SDK1: variants seen among roughly 807,000 people sequenced by gnomAD.
SDK1 encodes sidekick cell adhesion molecule 1, also known as protein sidekick-1.
A neutral mutation model predicts 245.5 loss-of-function variants in SDK1; 157 were observed. That is an observed-to-expected ratio of 0.64 (90% CI 0.56 to 0.73). The LOEUF (loss-of-function observed/expected upper bound fraction) is 0.73. Ranked by LOEUF, SDK1 falls within the 30% of genes least tolerant of loss-of-function variation. The pLI is 0.00. For synonymous variants in SDK1, 1,647 were observed against 1,278.5 expected (o/e 1.29, Z -6.15); for missense variants, 3,583 against 3,002.3 (o/e 1.19, Z -4.52).
intron 4 of SDK1, among the ~76,000 whole-genome samples, chr7:3,670,397 T>C (rs1783660744): frequency 6.6e-6 from 1 of 152,238 alleles, no homozygotes; most frequent in African/African-American, 2.4e-5. Context: ...ATCAGATACC[T>C]GAGTTTGAAT....
intron 4 of SDK1, among the ~76,000 whole-genome samples, chr7:3,691,448 A>G (rs780115780): frequency 3.3e-5 from 5 of 152,224 alleles, no homozygotes; most frequent in Non-Finnish European, 7.4e-5. Context: ...TCCAAGTAGC[A>G]CTTTGCTTCC....
At chr7:3,635,894 G>A (rs936226553) in intron 2 of SDK1, among the ~76,000 whole-genome samples, 1 of 152,108 alleles carries the variant, frequency 6.6e-6, no homozygotes, top group Admixed American at 6.5e-5. Flanking sequence ...TTTGTAGAGA[G>A]ACGGTTCTGC....
At chr7:3,441,829 C>T (rs1158097364) in intron 1 of SDK1, among the ~76,000 whole-genome samples, 1 of 152,162 alleles carries the variant, frequency 6.6e-6, no homozygotes, top group Non-Finnish European at 1.5e-5. Context: ...ATGTAAACCA[C>T]TCAGTGTCAC....
At chr7:3,585,238 A>G (rs879464339) in intron 1 of SDK1, among the ~76,000 whole-genome samples, 3 of 152,200 alleles carry the variant, frequency 2.0e-5, no homozygotes, top group Non-Finnish European at 4.4e-5. Context: ...GAAAATGGCT[A>G]CGTAGGCTGA....
chr7:4,048,364 C>T (rs1789173427), intron 17 of SDK1, among the ~76,000 whole-genome samples: 1 of 152,172 alleles, frequency 6.6e-6, no homozygotes, highest in African/African-American at 2.4e-5. Context: ...GCCCTGCCCA[C>T]TGCCCTTTCC....
rs141399084 is a variant in SDK1, at chr7:3,876,455, A to G, written c.847+54872A>G. On this transcript the variant is annotated intron_variant, in intron 5 of 44. Coordinates refer to ENST00000404826, the MANE Select transcript of SDK1 (RefSeq NM_152744.4). The stretch of plus-strand genomic sequence containing the variant: ...TATAAACTAAGCCAGGAAGAATTCA[A>G]TATTTAAATCTTTTTGTCCTCATTC... Among the ~76,000 whole-genome samples, 117 of 152,306 alleles carry G rather than the reference A, an allele frequency of 7.7e-4. 1 individual carries two copies. The East Asian group carries it at 0.019, about 25-fold the overall frequency.
chr7:3,678,436 C>T (rs184183966), intron 4 of SDK1, among the ~76,000 whole-genome samples: 3 of 152,272 alleles, frequency 2.0e-5, no homozygotes, highest in Admixed American at 6.5e-5. Flanking sequence ...ATTATGTGCC[C>T]ATAAAAGGCA....
intron 4 of SDK1, among the ~76,000 whole-genome samples, chr7:3,724,908 G>A (rs1163397684): frequency 1.3e-5 from 2 of 152,196 alleles, no homozygotes; most frequent in Non-Finnish European, 2.9e-5. Context: ...TGGAAAGAGG[G>A]TTGGAAATAC....
At chr7:3,639,741 A>C (rs753154117) in intron 3 of SDK1, among the ~76,000 whole-genome samples, 1 of 152,124 alleles carries the variant, frequency 6.6e-6, no homozygotes, top group Non-Finnish European at 1.5e-5. Flanking sequence ...TTTCTAATTC[A>C]AAATCTATGA....
Position 4,170,096 on chromosome 7 carries a change from C to A in SDK1, c.4801-4126C>A, listed in dbSNP as rs148315401. ...TTTCTTCTAAGAAGGTTAAGTAAACCTTCTATTTCATTGTGGCTAACAGTT... is the reference window on the plus strand; with the variant it reads ...TTTCTTCTAAGAAGGTTAAGTAAACATTCTATTTCATTGTGGCTAACAGTT... On this transcript the variant is annotated intron_variant, in intron 32 of 44. Transcript: ENST00000404826. 1.7e-3 allele frequency among the ~76,000 whole-genome samples: 263 copies of A among 152,206 alleles called. 2 individuals are homozygous for A. The highest frequency in any genetic ancestry group is 6.1e-3 in the African/African-American group (254 of 41,540).
chr7:3,637,823 G>A (rs1369898000), intron 2 of SDK1, among the ~76,000 whole-genome samples: 1 of 152,242 alleles, frequency 6.6e-6, no homozygotes, highest in Non-Finnish European at 1.5e-5. Flanking sequence ...AGGAAAGGAA[G>A]TGAATACATT....
intron 44 of SDK1, among the ~76,000 whole-genome samples, chr7:4,260,749 A>G (rs1173153486): frequency 7.0e-6 from 1 of 142,982 alleles, no homozygotes; most frequent in South Asian, 2.3e-4. Flanking sequence ...CACCTGATGG[A>G]GAAGCTGGCT....
At chr7:3,824,666 T>A (rs941020825) in intron 5 of SDK1, among the ~76,000 whole-genome samples, 55 of 152,316 alleles carry the variant, frequency 3.6e-4, no homozygotes, top group African/African-American at 1.2e-3. Flanking sequence ...TACATTTTCA[T>A]CAACAACCTT....
intron 10 of SDK1, among the ~76,000 whole-genome samples, chr7:3,968,291 A>G (rs953611649): frequency 1.3e-5 from 2 of 152,226 alleles, no homozygotes; most frequent in African/African-American, 4.8e-5. Context: ...AGCCCGTTCC[A>G]TGAGGGCCAC....
intron 42 of SDK1, among the ~76,000 whole-genome samples, chr7:4,238,882 A>T (rs1786353949): frequency 1.3e-5 from 2 of 151,864 alleles, no homozygotes; most frequent in African/African-American, 4.8e-5. Flanking sequence ...AAAAGTATAG[A>T]GCATTAAACA....
At chr7:3,363,930 A>C (rs560530165) in intron 1 of SDK1, among the ~76,000 whole-genome samples, 1 of 152,192 alleles carries the variant, frequency 6.6e-6, no homozygotes, top group African/African-American at 2.4e-5. Context: ...AAATGTGTGA[A>C]TGTGATCCAG....
intron 4 of SDK1, among the ~76,000 whole-genome samples, chr7:3,806,504 C>T (rs1032243372): frequency 6.6e-6 from 1 of 152,234 alleles, no homozygotes; most frequent in African/African-American, 2.4e-5. Context: ...GCCTTCTCCA[C>T]CCAGCAGAGA....
intron 1 of SDK1, among the ~76,000 whole-genome samples, chr7:3,498,018 T>G (rs971201905): frequency 1.3e-5 from 2 of 152,234 alleles, no homozygotes; most frequent in Non-Finnish European, 2.9e-5. Flanking sequence ...CTGGCTTGTA[T>G]CGATTATAAT....
At chr7:3,684,512 G>A (rs1045715150) in intron 4 of SDK1, among the ~76,000 whole-genome samples, 14 of 152,144 alleles carry the variant, frequency 9.2e-5, no homozygotes, top group African/African-American at 2.9e-4. Flanking sequence ...CATCCACAAT[G>A]GGTAAGCCCA....
Sources: gnomAD v4.1 joint callset for allele counts (sites outside exome capture counted in the v4.1 genomes callset) on GRCh38, gnomAD v4.1.1 for gene constraint, MANE v1.5 for transcripts, NCBI Gene and HGNC (gene_info 2026-07-23, HGNC 2026-07-21) for gene names.